PIN4: variants seen among roughly 807,000 people sequenced by gnomAD.
The protein encoded by PIN4 is peptidyl-prolyl cis-trans isomerase NIMA-interacting 4.
In PIN4, 3 loss-of-function variants were observed where a neutral mutation model predicts 8.3. The observed-to-expected ratio is 0.36, with a 90% CI of 0.16 to 0.93. The LOEUF (loss-of-function observed/expected upper bound fraction) is 0.93. PIN4 is among the 40% of genes least tolerant of loss of function. The probability of loss-of-function intolerance (pLI) is 0.44; values close to 1 mark genes in which losing one functional copy is unlikely to be tolerated. For synonymous variants in PIN4, 18 were observed against 32.5 expected, an observed-to-expected ratio of 0.55 and a Z score of 1.52; for missense variants, 75 against 100.6, an observed-to-expected ratio of 0.75 and a Z score of 1.09.
intron 2 of PIN4, 146 bp downstream of exon 2, chrX:72,186,680 G>A (rs771886092): frequency 3.6e-5 from 17 of 468,370 alleles, no homozygotes; most frequent in African/African-American, 4.9e-5. Flanking sequence ...GTAGCTGGGC[G>A]CACCTGTAAT....
At chrX:72,190,030 C>A (rs990258429) in intron 2 of PIN4, among the ~76,000 whole-genome samples, 1 of 110,987 alleles carries the variant, frequency 9.0e-6, no homozygotes, top group Non-Finnish European at 1.9e-5. Context: ...CAGCTTCCCT[C>A]CTTCCCCTTC....
At chrX:72,247,925 C>A (rs1329296229) in intron 3 of PIN4, among the ~76,000 whole-genome samples, 1 of 111,444 alleles carries the variant, frequency 9.0e-6, no homozygotes, top group Non-Finnish European at 1.9e-5. Flanking sequence ...CACTAGGGCA[C>A]ATTGAGGGTA....
intron 3 of PIN4, among the ~76,000 whole-genome samples, chrX:72,216,952 A>C (rs2042890221): frequency 8.9e-6 from 1 of 112,305 alleles, no homozygotes; most frequent in Non-Finnish European, 1.9e-5. Flanking sequence ...TGCTCCCCAA[A>C]AATAATAAAA....
chrX:72,185,207 C>T (rs2042696518), intron 1 of PIN4, among the ~76,000 whole-genome samples: 1 of 106,663 alleles, frequency 9.4e-6, no homozygotes, highest in African/African-American at 3.4e-5. Flanking sequence ...GGATAAGTCC[C>T]AAGCTCCTTA....
chrX:72,192,229 A>G (rs1755522141), intron 2 of PIN4, among the ~76,000 whole-genome samples: 1 of 111,675 alleles, frequency 9.0e-6, no homozygotes, highest in African/African-American at 3.3e-5. Flanking sequence ...CTGGGATTAC[A>G]GGCCTGAGCC....
intron 1 of PIN4, among the ~76,000 whole-genome samples, chrX:72,184,432 T>C (rs1432652713): frequency 9.6e-6 from 1 of 103,898 alleles, no homozygotes; most frequent in Admixed American, 1.1e-4. Flanking sequence ...GCAGGTAGCT[T>C]GGAGTAGAGA....
At chrX:72,218,495 C>T (rs1602443445) in intron 3 of PIN4, among the ~76,000 whole-genome samples, 1 of 97,166 alleles carries the variant, frequency 1.0e-5, no homozygotes, top group South Asian at 4.9e-4. Flanking sequence ...ATTTCTTTCT[C>T]TTTTTTTTTT....
chrX:72,192,541 C>T (rs768660875), intron 2 of PIN4, among the ~76,000 whole-genome samples: 3 of 110,920 alleles, frequency 2.7e-5, no homozygotes, highest in Non-Finnish European at 5.7e-5. Flanking sequence ...TGTTAGCACA[C>T]GCTTCTCTCC....
intron 3 of PIN4, among the ~76,000 whole-genome samples, chrX:72,235,955 C>T (rs1234796069): frequency 8.9e-6 from 1 of 112,036 alleles, no homozygotes; most frequent in Non-Finnish European, 1.9e-5. Context: ...ACAAGGAAGC[C>T]TCCACAATTA....
chrX:72,185,149 A>AAAAAAAAG (rs1928005409), intron 1 of PIN4, among the ~76,000 whole-genome samples: 1 of 101,705 alleles, frequency 9.8e-6, no homozygotes, highest in African/African-American at 3.5e-5. Context: ...CTCCGTCTCA[A>AAAAAAAAG]AAAAAAAAAA....
At chrX:72,190,744 A>G (rs149791020) in intron 2 of PIN4, among the ~76,000 whole-genome samples, 2,868 of 109,826 alleles carry the variant, frequency 0.026, 120 homozygotes, top group African/African-American at 0.089. Flanking sequence ...CCTGAGGTCA[A>G]GAGTCCAAGA....
chrX:72,221,974 G>A (rs1422491675), intron 3 of PIN4, among the ~76,000 whole-genome samples: 5 of 108,308 alleles, frequency 4.6e-5, no homozygotes, highest in South Asian at 4.1e-4. Context: ...AACCCCCTTC[G>A]TATTCCCATC....
intron 3 of PIN4, among the ~76,000 whole-genome samples, chrX:72,221,437 G>T (rs2042922555): frequency 9.0e-6 from 1 of 110,552 alleles, no homozygotes; most frequent in Admixed American, 9.7e-5. Context: ...GAGGACGCCG[G>T]GTCTCTGTCT....
chrX:72,218,524 C>T (rs767963468), intron 3 of PIN4, among the ~76,000 whole-genome samples: 5 of 103,812 alleles, frequency 4.8e-5, no homozygotes, highest in East Asian at 3.1e-4. Context: ...ACAAGAGTCT[C>T]GCTCTGTCAC....
intron 3 of PIN4, among the ~76,000 whole-genome samples, chrX:72,242,722 T>TA (rs1210707713): frequency 8.9e-6 from 1 of 112,763 alleles, no homozygotes; most frequent in African/African-American, 3.2e-5. Context: ...ATGGGGTTTA[T>TA]AAAGCTCTCC....
intron 3 of PIN4, among the ~76,000 whole-genome samples, chrX:72,250,954 G>A (rs1721856547): frequency 9.3e-6 from 1 of 107,508 alleles, no homozygotes; most frequent in Non-Finnish European, 1.9e-5. Context: ...TTGCCAGGCT[G>A]GTCTTGAACT....
At chrX:72,224,512 C>T (rs770732427) in intron 3 of PIN4, among the ~76,000 whole-genome samples, 3 of 111,643 alleles carry the variant, frequency 2.7e-5, no homozygotes, top group East Asian at 5.6e-4. Context: ...TTTGGGAGGC[C>T]GAGGCAGGCG....
downstream of PIN4, chrX:72,198,435 T>C (rs2042777434): frequency 4.7e-6 from 2 of 422,855 alleles, no homozygotes; most frequent in Non-Finnish European, 5.9e-6. Flanking sequence ...GAACTTTACC[T>C]AGATACCTGA....
intron 2 of PIN4, among the ~76,000 whole-genome samples, chrX:72,196,091 C>A (rs1264929869): frequency 9.1e-6 from 1 of 110,271 alleles, no homozygotes; most frequent in African/African-American, 3.3e-5. Context: ...TGCACTCCAG[C>A]CTGGGAGACA....
Sources: allele counts gnomAD v4.1 joint callset (sites outside exome capture counted in the v4.1 genomes callset), GRCh38; gene constraint gnomAD v4.1.1; transcripts MANE v1.5; gene names NCBI Gene and HGNC (gene_info 2026-07-23, HGNC 2026-07-21).